The following RAD21L1 variants were observed in gnomAD, a reference collection of about 807,000 sequenced individuals.
RAD21L1 encodes the protein double-strand-break repair protein rad21-like protein 1.
A neutral mutation model predicts 69.0 loss-of-function variants in RAD21L1; 47 were observed. That is an observed-to-expected ratio of 0.68 (90% CI 0.54 to 0.87). RAD21L1 has a LOEUF of 0.87. Among genes scored for constraint, RAD21L1 ranks in the 40% least tolerant of loss-of-function variants. RAD21L1 has a pLI of 0.00. For synonymous variants in RAD21L1, 177 were observed against 205.8 expected (o/e 0.86, Z 1.20); for missense variants, 583 against 647.6 (o/e 0.90, Z 1.08).
chr20:1,229,732 G>C lies in RAD21L1; in HGVS notation c.145-148G>C, dbSNP rs942879477. On this transcript the variant is annotated intron_variant, in intron 2 of 13. Coordinates refer to ENST00000683101, the MANE Select transcript of RAD21L1 (RefSeq NM_001384355.1). Reference sequence around the variant, plus strand: ...TAAGAATAAAAAAATCATTTTGCAAGGTAAGGTAAAAAGTGATATACTTTA... The same window carrying C: ...TAAGAATAAAAAAATCATTTTGCAACGTAAGGTAAAAAGTGATATACTTTA... The C allele has an allele frequency of 5.5e-6, 3 of 548,564 alleles. No homozygotes were observed. In the African/African-American group the frequency reaches 5.6e-5, roughly 10 times the overall value. 34.0% of individuals were successfully genotyped at this position (548,564 alleles called of 1,614,324 possible).
At chr20:1,229,673 T>C (rs2087350254) in intron 2 of RAD21L1, among the ~76,000 whole-genome samples, 1 of 152,238 alleles carries the variant, frequency 6.6e-6, no homozygotes, top group Non-Finnish European at 1.5e-5. Flanking sequence ...TAGTATACTT[T>C]ACTTAAATGC....
At chr20:1,236,902 T>A (rs2087505104) in intron 5 of RAD21L1, among the ~76,000 whole-genome samples, 1 of 152,268 alleles carries the variant, frequency 6.6e-6, no homozygotes, top group Admixed American at 6.5e-5. Flanking sequence ...GAGAATATAG[T>A]GTCTTCATAA....
intron 5 of RAD21L1, among the ~76,000 whole-genome samples, chr20:1,234,859 C>T (rs1186716075): frequency 1.3e-5 from 2 of 152,158 alleles, no homozygotes; most frequent in South Asian, 2.1e-4. Flanking sequence ...CCCGCCTCAG[C>T]CTCCTGAGTA....
At chr20:1,234,417 T>C (rs1462608895) in intron 5 of RAD21L1, among the ~76,000 whole-genome samples, 1 of 152,194 alleles carries the variant, frequency 6.6e-6, no homozygotes, top group Non-Finnish European at 1.5e-5. Flanking sequence ...GAATACCTAC[T>C]CTGTATCAGG....
chr20:1,255,800 T>A lies in RAD21L1; in HGVS notation c.*1343T>A, dbSNP rs2087922969. Among the ~76,000 whole-genome samples, 1 of 152,198 alleles carries A rather than the reference T, an allele frequency of 6.6e-6. No individual in the cohort carries two copies. Among genetic ancestry groups the A allele is most frequent in the African/African-American group, 2.4e-5 (1 of 41,446 alleles). ...GACTACACTTTTGTCTTTTTGAAAA[T>A]GTCACACAGATGGAATCATATAGCA... On this transcript the variant is annotated 3_prime_UTR_variant, in exon 14 of 14. Coordinates refer to ENST00000683101, the MANE Select transcript of RAD21L1 (RefSeq NM_001384355.1).
At chr20:1,228,683 C>A in intron 2 of RAD21L1, 86 bp downstream of exon 2, 1 of 971,252 alleles carries the variant, frequency 1.0e-6, no homozygotes, top group Non-Finnish European at 1.5e-6. Context: ...TCATGAAATA[C>A]ATTTTCAAGG....
intron 8 of RAD21L1, among the ~76,000 whole-genome samples, chr20:1,241,893 G>C (rs1297349268): frequency 1.3e-5 from 2 of 152,176 alleles, no homozygotes; most frequent in Non-Finnish European, 2.9e-5. Context: ...TCTGCTTTCT[G>C]CCTGGTAAAA....
intron 13 of RAD21L1, among the ~76,000 whole-genome samples, chr20:1,253,588 C>T (rs908429797): frequency 3.8e-4 from 58 of 152,170 alleles, no homozygotes; most frequent in Non-Finnish European, 2.4e-4. Flanking sequence ...TGAGCCACCA[C>T]GCCTGGCCGC....
At chr20:1,240,003 A>G (rs2087573964) in intron 7 of RAD21L1, among the ~76,000 whole-genome samples, 1 of 152,190 alleles carries the variant, frequency 6.6e-6, no homozygotes. Flanking sequence ...TAGCAGACAT[A>G]TAGTCAAATT....
intron 1 of RAD21L1, 94 bp downstream of exon 1, chr20:1,226,234 GGCGCCGGC>G (rs1390260634): frequency 6.6e-6 from 1 of 151,280 alleles, no homozygotes; most frequent in Non-Finnish European, 1.5e-5. Context: ...ACACGCACCC[GGCGCCGGC>G]GCCTCACGCC....
intron 10 of RAD21L1, among the ~76,000 whole-genome samples, 180 bp from the exon 11 acceptor site, chr20:1,243,866 G>C (rs1204609932): frequency 6.6e-6 from 1 of 152,106 alleles, no homozygotes; most frequent in Non-Finnish European, 1.5e-5. Flanking sequence ...TAGAGACAGA[G>C]GACAAGAAAG....
At chr20:1,243,255 G>A (rs545912970) in intron 10 of RAD21L1, 59 bp downstream of exon 10, 2 of 814,120 alleles carry the variant, frequency 2.5e-6, no homozygotes, top group African/African-American at 1.8e-5. Context: ...AAAATTTGAT[G>A]TTTTAAATTT....
At chr20:1,226,744 C>G (rs996590411) in intron 1 of RAD21L1, among the ~76,000 whole-genome samples, 10 of 152,052 alleles carry the variant, frequency 6.6e-5, no homozygotes, top group Admixed American at 2.0e-4. Context: ...GCCTCCGGGA[C>G]GTGGGGCGGG....
At chr20:1,227,438 A>G (rs1336052645) in intron 1 of RAD21L1, among the ~76,000 whole-genome samples, 5 of 152,246 alleles carry the variant, frequency 3.3e-5, no homozygotes, top group Non-Finnish European at 5.9e-5. Context: ...TGCGGTACAA[A>G]TAGACACTGA....
At chr20:1,254,086 G>A (rs977851564) in intron 13 of RAD21L1, among the ~76,000 whole-genome samples, 183 bp from the exon 14 acceptor site, 1 of 152,196 alleles carries the variant, frequency 6.6e-6, no homozygotes, top group African/African-American at 2.4e-5. Flanking sequence ...AACCAAGCTT[G>A]TGTACAGTAA....
chr20:1,235,270 G>A (rs113735737), intron 5 of RAD21L1, among the ~76,000 whole-genome samples: 3,112 of 152,108 alleles, frequency 0.02, 109 homozygotes, highest in African/African-American at 0.07. Flanking sequence ...TCTTGGTCGG[G>A]GAGGGGAGTC....
chr20:1,233,605 T>A (rs2087436700), intron 4 of RAD21L1, among the ~76,000 whole-genome samples: 2 of 152,196 alleles, frequency 1.3e-5, no homozygotes, highest in South Asian at 4.1e-4. Context: ...ATTCATCGTC[T>A]GGTGATGGCC....
chr20:1,250,337 T>C (rs1313566579), intron 13 of RAD21L1, among the ~76,000 whole-genome samples: 6 of 152,060 alleles, frequency 3.9e-5, no homozygotes, highest in Non-Finnish European at 1.5e-5. Flanking sequence ...ATGTGCCATG[T>C]TGGTGTGCTG....
chr20:1,246,495 GTCTT>G lies in RAD21L1; in HGVS notation c.1401+196_1401+199del, dbSNP rs557766691. Among the ~76,000 whole-genome samples, 4 of 151,822 alleles carry G rather than the reference GTCTT, an allele frequency of 2.6e-5. No individual in the cohort carries two copies. Among genetic ancestry groups the G allele is most frequent in the Non-Finnish European group, 5.9e-5 (4 of 67,922 alleles). ...TATTCTGAATTGCTCTGATTTTTTT[GTCTT>G]TCTTTAATTTCTTTTGAAACTTCAA... On this transcript the variant is annotated intron_variant, in intron 12 of 13. Transcript: ENST00000683101. The surrounding 1 kb of genome is among the most constrained non-coding windows in gnomAD (Gnocchi z 4.6).
Sources: allele counts gnomAD v4.1 joint callset (sites outside exome capture counted in the v4.1 genomes callset), GRCh38; gene constraint gnomAD v4.1.1; non-coding constraint Gnocchi (gnomAD v3.1); transcripts MANE v1.5; gene names NCBI Gene and HGNC (gene_info 2026-07-23, HGNC 2026-07-21).